Variants in MAGI2 observed in about 807,000 individuals in gnomAD.
The protein encoded by MAGI2 is membrane associated guanylate kinase, WW and PDZ domain containing 2, also known as membrane-associated guanylate kinase, WW and PDZ domain-containing protein 2.
Under a neutral mutation model 133.3 loss-of-function variants are expected in MAGI2, and 35 were observed. The ratio of observed to expected loss-of-function variants is 0.26; its 90% CI spans 0.20 to 0.35. MAGI2 has a LOEUF of 0.35. Among genes scored for constraint, MAGI2 ranks in the 10% least tolerant of loss-of-function variants. The pLI is 1.00. For missense variants in MAGI2, 1,636 were observed against 1,863.4 expected (o/e 0.88, Z 2.25); for synonymous variants, 729 against 710.6 (o/e 1.03, Z -0.41).
chr7:78,292,797 G>A (rs1796853280), intron 9 of MAGI2, among the ~76,000 whole-genome samples: 1 of 152,170 alleles, frequency 6.6e-6, no homozygotes, highest in Non-Finnish European at 1.5e-5. Context: ...ACAACCATCT[G>A]ATCTTTGACA....
chr7:79,409,108 A>G (rs1417463138), intron 1 of MAGI2, among the ~76,000 whole-genome samples: 1 of 152,160 alleles, frequency 6.6e-6, no homozygotes. Flanking sequence ...ACATTTTTTC[A>G]CAGATACCTG....
intron 10 of MAGI2, among the ~76,000 whole-genome samples, chr7:78,245,089 G>C (rs192776074): frequency 6.6e-6 from 1 of 152,158 alleles, no homozygotes; most frequent in Non-Finnish European, 1.5e-5. Context: ...GAGGCAAAGC[G>C]ATTGTTATTT....
chr7:78,820,880 T>C (rs917632493), intron 2 of MAGI2, among the ~76,000 whole-genome samples: 4 of 151,978 alleles, frequency 2.6e-5, no homozygotes, highest in Admixed American at 6.6e-5. Context: ...TATAGTAACT[T>C]ATTGTGTTTC....
intron 9 of MAGI2, among the ~76,000 whole-genome samples, chr7:78,334,568 T>C (rs1306332851): frequency 6.6e-6 from 1 of 152,166 alleles, no homozygotes; most frequent in Non-Finnish European, 1.5e-5. Context: ...TAATCCCCAC[T>C]GTTATTCACA....
At chr7:78,857,512 A>C (rs546585061) in intron 2 of MAGI2, among the ~76,000 whole-genome samples, 4 of 152,252 alleles carry the variant, frequency 2.6e-5, no homozygotes, top group African/African-American at 7.2e-5. Context: ...TGAGATAATC[A>C]TGTGGTTTTT....
intron 1 of MAGI2, among the ~76,000 whole-genome samples, chr7:79,309,570 T>C (rs769414789): frequency 2.0e-5 from 3 of 152,126 alleles, no homozygotes; most frequent in African/African-American, 7.2e-5. Context: ...AGGAGAACAG[T>C]GTTCAGAAGA....
intron 1 of MAGI2, among the ~76,000 whole-genome samples, chr7:79,331,756 G>T (rs577988447): frequency 2.0e-5 from 3 of 152,016 alleles, no homozygotes; most frequent in Non-Finnish European, 2.9e-5. Flanking sequence ...TTGGAAATTG[G>T]TCATGTAGTA....
At chr7:79,053,444 A>G (rs1812861955) in intron 1 of MAGI2, among the ~76,000 whole-genome samples, 1 of 152,176 alleles carries the variant, frequency 6.6e-6, no homozygotes, top group Non-Finnish European at 1.5e-5. Flanking sequence ...TCATCTATGA[A>G]CACTCTGATC....
intron 1 of MAGI2, among the ~76,000 whole-genome samples, chr7:79,043,747 C>A (rs528181638): frequency 2.6e-5 from 4 of 151,454 alleles, no homozygotes; most frequent in Admixed American, 6.6e-5. Context: ...ACAAAATAAC[C>A]CCTCAAATAC....
At chr7:79,347,369 G>A (rs1841396921) in intron 1 of MAGI2, among the ~76,000 whole-genome samples, 1 of 151,722 alleles carries the variant, frequency 6.6e-6, no homozygotes, top group African/African-American at 2.4e-5. Context: ...AATTACTCAA[G>A]CCTCTCTGTT....
chr7:78,137,243 T>C (rs1448031936), intron 16 of MAGI2, among the ~76,000 whole-genome samples: 2 of 152,232 alleles, frequency 1.3e-5, no homozygotes, highest in Admixed American at 6.5e-5. Flanking sequence ...TCCCTGGCCA[T>C]AATGTGTATA....
At chr7:78,807,925 G>A (rs930029657) in intron 2 of MAGI2, among the ~76,000 whole-genome samples, 21 of 152,158 alleles carry the variant, frequency 1.4e-4, no homozygotes, top group African/African-American at 4.3e-4. Flanking sequence ...AGCTTACGCA[G>A]ATAGTAGATG....
intron 1 of MAGI2, among the ~76,000 whole-genome samples, chr7:79,451,717 A>G (rs992302827): frequency 1.3e-5 from 2 of 152,200 alleles, no homozygotes; most frequent in Non-Finnish European, 2.9e-5. Flanking sequence ...TTAGTAGTTG[A>G]TCATGATTAA....
intron 3 of MAGI2, among the ~76,000 whole-genome samples, chr7:78,624,908 C>T (rs1808173713): frequency 6.6e-6 from 1 of 151,902 alleles, no homozygotes; most frequent in South Asian, 2.1e-4. Context: ...GAGTGTATTC[C>T]TTCTACTTAT....
At chr7:78,503,130 A>G (rs927843080) in intron 4 of MAGI2, among the ~76,000 whole-genome samples, 6 of 152,178 alleles carry the variant, frequency 3.9e-5, no homozygotes, top group Non-Finnish European at 7.3e-5. Context: ...GGTAACATCT[A>G]TAGTAACTTG....
chr7:78,397,366 T>TACACAC (rs71085528), intron 6 of MAGI2, among the ~76,000 whole-genome samples: 61,112 of 147,544 alleles, frequency 0.41, 12,840 homozygotes, highest in Admixed American at 0.55. Context: ...TTGAAATTCC[T>TACACAC]ACACACACAC....
At chr7:78,610,713 T>C (rs1025190943) in intron 3 of MAGI2, among the ~76,000 whole-genome samples, 1 of 152,194 alleles carries the variant, frequency 6.6e-6, no homozygotes, top group Non-Finnish European at 1.5e-5. Context: ...CCTCCCTCTT[T>C]GGGGGATAGA....
intron 2 of MAGI2, among the ~76,000 whole-genome samples, chr7:78,922,995 T>A (rs1346841447): frequency 6.6e-6 from 1 of 152,188 alleles, no homozygotes; most frequent in East Asian, 1.9e-4. Context: ...TGTCTTCTTT[T>A]GAGAAGTGTC....
chr7:78,725,645 A>C (rs1820701736), intron 2 of MAGI2, among the ~76,000 whole-genome samples: 1 of 152,236 alleles, frequency 6.6e-6, no homozygotes, highest in Non-Finnish European at 1.5e-5. Context: ...AAAAGATAGA[A>C]AAAATTAGCC....
Sources: gnomAD v4.1 joint callset for allele counts (sites outside exome capture counted in the v4.1 genomes callset) on GRCh38, gnomAD v4.1.1 for gene constraint, MANE v1.5 for transcripts, NCBI Gene and HGNC (gene_info 2026-07-23, HGNC 2026-07-21) for gene names.